The following SP110 variants were observed in gnomAD, a reference collection of about 807,000 sequenced individuals.
SP110 encodes the protein SP110 nuclear body protein, also known as interferon-induced protein 41, 30kD.
In SP110, 62 loss-of-function variants were observed where a neutral mutation model predicts 92.7. The observed-to-expected ratio is 0.67, with a 90% CI of 0.55 to 0.83. The LOEUF is 0.83. Among genes scored for constraint, SP110 ranks in the 40% least tolerant of loss-of-function variants. The pLI is 0.00. For missense variants in SP110, 793 were observed against 863.9 expected (o/e 0.92, Z 1.03); for synonymous variants, 273 against 305.3 (o/e 0.89, Z 1.10).
At chr2:230,193,785 G>A (rs1027695874) in intron 10 of SP110, among the ~76,000 whole-genome samples, 1 of 152,176 alleles carries the variant, frequency 6.6e-6, no homozygotes, top group Non-Finnish European at 1.5e-5. Flanking sequence ...TAGGTTTCAG[G>A]GGGAGGGCAG....
Position 230,209,924 on chromosome 2 carries a change from T to C in SP110, c.829+7A>G, listed in dbSNP as rs1467683356. 6.4e-7 allele frequency: 1 copy of C among 1,564,116 alleles called. No homozygotes were observed. The highest frequency in any genetic ancestry group is 8.8e-7 in the Non-Finnish European group (1 of 1,134,264). ...TCTGACCTCTACAGAAGAAAGGCTT[T>C]TCTTACCTTTCTTGTCTGAAGGTGT... is the stretch of plus-strand genomic sequence containing the variant. On this transcript the variant is annotated splice_region_variant and intron_variant, in intron 7 of 18. Coordinates refer to ENST00000258381, the MANE Select transcript of SP110 (RefSeq NM_080424.4).
At chr2:230,198,640 G>A (rs2042986493) in intron 10 of SP110, among the ~76,000 whole-genome samples, 1 of 152,074 alleles carries the variant, frequency 6.6e-6, no homozygotes, top group South Asian at 2.1e-4. Context: ...TGTTGCCCAG[G>A]CTGGAGTGCA....
At chr2:230,200,675 T>C (rs2043089586) in intron 10 of SP110, 2 of 600,404 alleles carry the variant, frequency 3.3e-6, no homozygotes, top group South Asian at 2.0e-5. Flanking sequence ...TATACATACA[T>C]ACATATGGAC....
intron 11 of SP110, among the ~76,000 whole-genome samples, chr2:230,184,106 G>A (rs1019879450): frequency 1.3e-5 from 2 of 152,166 alleles, no homozygotes; most frequent in African/African-American, 2.4e-5. Context: ...TCGCATCCCC[G>A]AGTGGGATAC....
Position 230,172,938 on chromosome 2 carries a change from C to T in SP110, c.1612G>A (p.Glu538Lys), listed in dbSNP as rs149682257. 5.0e-4 allele frequency: 809 copies of T among 1,613,938 alleles called. No homozygotes were observed. Among genetic ancestry groups the T allele is most frequent in the Non-Finnish European group, 6.4e-4 (753 of 1,179,820 alleles). ...AGTTGTCCCCCTTGACAGCACACCT[C>T]GCATTCATCCGAGTTTTTCCGCTGC... Reference protein sequence around the residue: ...LLKRKNSDECEVCCQGGQLLC... With the variant: ...LLKRKNSDECKVCCQGGQLLC... The change falls in exon 15 of 19, where the codon GAG (glutamate) becomes AAG (lysine). Residue 538 changes from glutamate to lysine, a missense_variant. Transcript: ENST00000258381.
At chr2:230,176,368 A>G in intron 14 of SP110, 1 of 961,268 alleles carries the variant, frequency 1.0e-6, no homozygotes, top group Non-Finnish European at 1.4e-6. Flanking sequence ...TTTGTTAGAG[A>G]TGGGGTCTTG....
chr2:230,213,727 T>G (rs2044755253), intron 3 of SP110: 3 of 152,640 alleles, frequency 2.0e-5, no homozygotes, highest in Admixed American at 2.0e-4. Flanking sequence ...CAGAACAAAA[T>G]CATCAGGTTG....
rs972927509 is a variant in SP110 at position 230,168,019 on chromosome 2, G to T, written c.*1105C>A. 1 of 142,836 alleles carries T rather than the reference G, an allele frequency of 7.0e-6. No homozygotes were observed. The highest frequency in any genetic ancestry group is 2.6e-5 in the African/African-American group (1 of 38,556). 8.8% of individuals were successfully genotyped at this position (142,836 alleles called of 1,614,324 possible). A position where few individuals can be genotyped will look rare whatever the true frequency, so the allele number is the denominator to read the frequency against. On this transcript the variant is annotated 3_prime_UTR_variant, in exon 19 of 19. Transcript: ENST00000258381. ...CAGCTACTCGGAGGCTGAGGCAGGA[G>T]AATCGCTTGCACCCAGGAGGAGGAG...
rs1195895355 is a variant in SP110 at position 230,173,392 on chromosome 2, A to G, written c.1591-433T>C. 1.2e-5 allele frequency: 3 copies of G among 244,160 alleles called. No individual in the cohort carries two copies. The East Asian group carries it at 2.8e-4, about 23-fold the overall frequency. The allele number at this position is 244,160 out of a possible 1,614,324, so 15.1% of individuals were successfully genotyped here. A position where few individuals can be genotyped will look rare whatever the true frequency, so the allele number is the denominator to read the frequency against. On this transcript the variant is annotated intron_variant, in intron 14 of 18. Transcript: ENST00000258381. ...AACTGTTGTTCCTGGTGCCTTGCCT[A>G]ACTGCCCCATGGTCGTAACATAACA...
In SP110 at chr2:230,177,526, T is replaced by C; in HGVS notation, c.1590+12A>G. ...TTAAACCTGTCACCTATCTGTCCCGTCATTATAATACCTTCAGCAGCTCTC... is the reference window on the plus strand; with the variant it reads ...TTAAACCTGTCACCTATCTGTCCCGCCATTATAATACCTTCAGCAGCTCTC... On this transcript the variant is annotated intron_variant, in intron 14 of 18. Coordinates refer to ENST00000258381, the MANE Select transcript of SP110 (RefSeq NM_080424.4). The C allele has an allele frequency of 6.2e-7, 1 of 1,613,810 alleles. No homozygotes were observed. The highest frequency in any genetic ancestry group is 8.5e-7 in the Non-Finnish European group (1 of 1,179,698).
chr2:230,215,256 C>T lies in SP110; in HGVS notation c.148-138G>A, dbSNP rs2044981770. 1.4e-5 allele frequency: 10 copies of T among 718,734 alleles called. No individual in the cohort carries two copies. In the Admixed American group the frequency reaches 2.7e-4, roughly 19 times the overall value. The allele number at this position is 718,734 out of a possible 1,614,324, so 44.5% of individuals were successfully genotyped here. A position where few individuals can be genotyped will look rare whatever the true frequency, so the allele number is the denominator to read the frequency against. On this transcript the variant is annotated intron_variant, in intron 2 of 18. Coordinates refer to ENST00000258381, the MANE Select transcript of SP110 (RefSeq NM_080424.4). Reference sequence around the variant, plus strand: ...TCAACATAAAATATATAGTCACATTCTCTAAGGTAGAGCGGTCACAGTTTT... The same window carrying T: ...TCAACATAAAATATATAGTCACATTTTCTAAGGTAGAGCGGTCACAGTTTT...
At chr2:230,196,270 C>T (rs191140815) in intron 10 of SP110, among the ~76,000 whole-genome samples, 60 of 152,142 alleles carry the variant, frequency 3.9e-4, no homozygotes, top group Non-Finnish European at 7.4e-4. Flanking sequence ...AACCTGATTT[C>T]TATTTTCATA....
chr2:230,191,621 T>C (rs1045993593), intron 10 of SP110, among the ~76,000 whole-genome samples: 1 of 152,116 alleles, frequency 6.6e-6, no homozygotes, highest in East Asian at 1.9e-4. Context: ...TAACAAGCTC[T>C]GAAATTGAGG....
chr2:230,211,690 G>T lies in SP110; in HGVS notation c.668-137C>A. ...CCAAGGCCTGGGAAAGGATGGCATA[G>T]AGTGGGAAAGTAAGCAACCATTCAC... On this transcript the variant is annotated intron_variant, in intron 5 of 18. Transcript: ENST00000258381. The surrounding 1 kb of genome is among the most constrained non-coding windows in gnomAD (Gnocchi z 4.2). 1.5e-6 allele frequency: 1 copy of T among 682,912 alleles called. No homozygotes were observed. Among genetic ancestry groups the T allele is most frequent in the East Asian group, 2.7e-5 (1 of 37,354 alleles). 42.3% of individuals were successfully genotyped at this position (682,912 alleles called of 1,614,324 possible).
chr2:230,172,344 C>T (rs967380166), intron 15 of SP110, 170 bp from the exon 16 acceptor site: 16 of 674,610 alleles, frequency 2.4e-5, no homozygotes, highest in East Asian at 8.1e-5. Flanking sequence ...GCCCTTCCCT[C>T]GCATCAGTGG....
chr2:230,203,408 G>C (rs375697085), intron 8 of SP110: 1 of 155,102 alleles, frequency 6.4e-6, no homozygotes, highest in Non-Finnish European at 1.4e-5. Context: ...AGGACACAGA[G>C]TGTGCAGCCA....
chr2:230,179,961 C>G (rs189757110), intron 12 of SP110, among the ~76,000 whole-genome samples: 1 of 152,164 alleles, frequency 6.6e-6, no homozygotes, highest in Non-Finnish European at 1.5e-5. Context: ...CTGAGGGCAG[C>G]CTGTTCCTAA....
rs199656039 is a variant in SP110 at position 230,202,588 on chromosome 2, T to C, written c.1039A>G (p.Arg347Gly). The C allele has an allele frequency of 3.7e-6, 6 of 1,614,112 alleles. No homozygotes were observed. The highest frequency in any genetic ancestry group is 8.5e-7 in the Non-Finnish European group (1 of 1,180,034). Residue 347 changes from arginine to glycine, a missense_variant, in exon 9 of 19, where the codon AGA becomes GGA. Coordinates refer to ENST00000258381, the MANE Select transcript of SP110 (RefSeq NM_080424.4). ...CCATCATCAGCCTTACCCTCTGATC[T>C]CGACTTTCGGGCACATTCAGTTCTC... is the stretch of plus-strand genomic sequence containing the variant. ...KARTECARKSRSEEIIDGTSE... is the reference protein window; with the variant it reads ...KARTECARKSGSEEIIDGTSE...
chr2:230,210,263 T>G (rs1415485904), intron 6 of SP110, among the ~76,000 whole-genome samples: 1 of 152,184 alleles, frequency 6.6e-6, no homozygotes, highest in Non-Finnish European at 1.5e-5. Flanking sequence ...AGAGAGATTA[T>G]CTTATGGATG....
Sources: gnomAD v4.1 joint callset for allele counts (sites outside exome capture counted in the v4.1 genomes callset) on GRCh38, gnomAD v4.1.1 for gene constraint, Gnocchi (gnomAD v3.1) non-coding constraint, MANE v1.5 for transcripts, NCBI Gene and HGNC (gene_info 2026-07-23, HGNC 2026-07-21) for gene names.